Variants in FNBP1 observed in about 807,000 individuals in gnomAD.
FNBP1 encodes the protein formin binding protein 1.
FNBP1 carries 26 observed loss-of-function variants against 90.6 expected under a neutral mutation model. That is an observed-to-expected ratio of 0.29 (90% CI 0.21 to 0.40). The LOEUF is 0.40. Among genes scored for constraint, FNBP1 ranks in the 10% least tolerant of loss-of-function variants. The pLI, the probability that FNBP1 is intolerant of heterozygous loss-of-function variation, is 1.00. For synonymous variants in FNBP1, 260 were observed against 265.2 expected (o/e 0.98, Z 0.19); for missense variants, 635 against 768.0 (o/e 0.83, Z 2.05).
intron 6 of FNBP1, among the ~76,000 whole-genome samples, chr9:129,930,976 T>G (rs80227063): frequency 0.013 from 1,940 of 152,304 alleles, 17 homozygotes; most frequent in Middle Eastern, 0.024. Flanking sequence ...TGTTTGCTTG[T>G]TTTTGTTTTG....
chr9:129,930,600 G>GAA (rs2042593389), intron 6 of FNBP1, among the ~76,000 whole-genome samples: 1 of 152,012 alleles, frequency 6.6e-6, no homozygotes, highest in South Asian at 2.1e-4. Context: ...TTACACATTT[G>GAA]TTTTTCTCTA....
chr9:130,019,698 A>C (rs979780217), intron 1 of FNBP1, among the ~76,000 whole-genome samples: 8 of 151,920 alleles, frequency 5.3e-5, no homozygotes, highest in Middle Eastern at 3.4e-3. Context: ...CCAGAGAGAA[A>C]CCTCATTTTT....
chr9:129,970,784 C>A (rs2049329551), intron 4 of FNBP1, among the ~76,000 whole-genome samples: 1 of 152,124 alleles, frequency 6.6e-6, no homozygotes, highest in Non-Finnish European at 1.5e-5. Flanking sequence ...TCATGTTTTC[C>A]TAAAGAGACA....
At chr9:130,012,482 G>C (rs1422132003) in intron 1 of FNBP1, among the ~76,000 whole-genome samples, 4 of 152,092 alleles carry the variant, frequency 2.6e-5, no homozygotes, top group Non-Finnish European at 5.9e-5. Flanking sequence ...CGGGAAAAAT[G>C]AGATAAAACC....
intron 6 of FNBP1, among the ~76,000 whole-genome samples, chr9:129,943,614 T>C (rs2132401677): frequency 6.6e-6 from 1 of 152,210 alleles, no homozygotes; most frequent in South Asian, 2.1e-4. Context: ...CTCGAACTCC[T>C]GACCTCAAAT....
Position 129,923,869 on chromosome 9 carries a change from T to C in FNBP1, c.1145A>G (p.His382Arg), listed in dbSNP as rs201006816. The change falls in exon 10 of 17, where the codon CAC (histidine) becomes CGC (arginine). Residue 382 changes from histidine (H) to arginine (R), a missense_variant. Coordinates refer to ENST00000446176, the MANE Select transcript of FNBP1 (RefSeq NM_015033.3). ...CCCACGCTTTAGGCTCCTGAAGCAG[T>C]GGATTTTGGGTTTGGAGGTCATGAA... ...NEFMTSKPKIHCFRSLKRGLS... is the reference protein window; with the variant it reads ...NEFMTSKPKIRCFRSLKRGLS... The C allele has an allele frequency of 1.1e-4, 171 of 1,600,118 alleles. No homozygotes were observed. Among genetic ancestry groups the C allele is most frequent in the Non-Finnish European group, 2.6e-6 (3 of 1,174,224 alleles).
chr9:129,972,034 T>C (rs1436131961), intron 4 of FNBP1, among the ~76,000 whole-genome samples: 1 of 152,206 alleles, frequency 6.6e-6, no homozygotes, highest in Non-Finnish European at 1.5e-5. Context: ...GGTACTTAAG[T>C]AAGGCATTAT....
intron 1 of FNBP1, among the ~76,000 whole-genome samples, chr9:130,033,634 C>T (rs987874297): frequency 1.3e-5 from 2 of 150,222 alleles, no homozygotes; most frequent in African/African-American, 4.9e-5. Flanking sequence ...GTCAAAAGTT[C>T]AAGTCCAGCC....
In FNBP1 at chr9:129,912,612, C is replaced by T. The variant is rs994715505; in HGVS notation, c.1185+3354G>A. Among the ~76,000 whole-genome samples, 6 of 143,476 alleles carry T rather than the reference C, an allele frequency of 4.2e-5. No homozygotes were observed. In the South Asian group the frequency reaches 1.3e-3, roughly 32 times the overall value. 94.1% of individuals were successfully genotyped at this position (143,476 alleles called of 152,430 possible). On this transcript the variant is annotated intron_variant, in intron 11 of 16. Coordinates refer to ENST00000446176, the MANE Select transcript of FNBP1 (RefSeq NM_015033.3). ...CTGAGGCAGGAAAATCGCTTGAACC[C>T]GGGAGGTGGAGGTTGTGGTGAGCTG...
chr9:130,038,358 C>CA (rs532239781), intron 1 of FNBP1, among the ~76,000 whole-genome samples: 3,138 of 75,918 alleles, frequency 0.041, 68 homozygotes, highest in Non-Finnish European at 0.051. Flanking sequence ...GACTCCGTCT[C>CA]AAAAAAAAAA....
chr9:129,985,671 C>T (rs1280549624), intron 2 of FNBP1, among the ~76,000 whole-genome samples: 1 of 152,024 alleles, frequency 6.6e-6, no homozygotes, highest in Non-Finnish European at 1.5e-5. Flanking sequence ...CAAAAGCTAG[C>T]CAGCCGTGGG....
At chr9:130,027,649 G>T (rs1023607771) in intron 1 of FNBP1, among the ~76,000 whole-genome samples, 1 of 152,076 alleles carries the variant, frequency 6.6e-6, no homozygotes, top group Non-Finnish European at 1.5e-5. Context: ...TCATTGCTGA[G>T]GCCTCAGCTG....
chr9:129,963,484 T>C (rs2048127554), intron 4 of FNBP1, among the ~76,000 whole-genome samples: 1 of 152,200 alleles, frequency 6.6e-6, no homozygotes, highest in African/African-American at 2.4e-5. Context: ...TGGTAAGTTA[T>C]CTCTCATGAA....
Position 129,979,322 on chromosome 9 carries a change from ATTC to A in FNBP1, c.190_192del (p.Glu64del). On this transcript the variant is annotated inframe_deletion, in exon 3 of 17. Transcript: ENST00000446176. ...AATTTTCAATGGTAAACATACTTGT[ATTC>A]TTCTTCCTCCTTCGAGTTCTTTTTA... 1.3e-6 allele frequency: 2 copies of A among 1,595,422 alleles called. No individual in the cohort carries two copies. The highest frequency in any genetic ancestry group is 2.2e-5 in the East Asian group (1 of 44,696).
chr9:129,955,015 T>C (rs1193123556), intron 6 of FNBP1, among the ~76,000 whole-genome samples: 1 of 151,850 alleles, frequency 6.6e-6, no homozygotes, highest in Non-Finnish European at 1.5e-5. Context: ...AAATCATTCT[T>C]AATGGGGAAC....
intron 16 of FNBP1, among the ~76,000 whole-genome samples, chr9:129,892,869 T>C (rs1233051413): frequency 1.3e-5 from 2 of 152,170 alleles, no homozygotes; most frequent in South Asian, 2.1e-4. Context: ...AAAATTATCA[T>C]CATAAATTTA....
chr9:129,992,614 C>T (rs1170685915), intron 2 of FNBP1, among the ~76,000 whole-genome samples: 9 of 122,690 alleles, frequency 7.3e-5, no homozygotes, highest in Non-Finnish European at 1.3e-4. Context: ...AGTGCAGTGG[C>T]GCGATCTTGG....
At chr9:129,902,368 T>C (rs1200396812) in intron 13 of FNBP1, among the ~76,000 whole-genome samples, 1 of 151,834 alleles carries the variant, frequency 6.6e-6, no homozygotes, top group East Asian at 1.9e-4. Context: ...GAGGCCAAGG[T>C]GGGAGGATGG....
intron 4 of FNBP1, among the ~76,000 whole-genome samples, chr9:129,972,292 C>A (rs962788420): frequency 6.6e-6 from 1 of 151,852 alleles, no homozygotes; most frequent in Admixed American, 6.6e-5. Context: ...TGCCACCACG[C>A]CCAGCTAATT....
Sources: allele counts gnomAD v4.1 joint callset (sites outside exome capture counted in the v4.1 genomes callset), GRCh38; gene constraint gnomAD v4.1.1; transcripts MANE v1.5; gene names NCBI Gene and HGNC (gene_info 2026-07-23, HGNC 2026-07-21).